The following FBXW4 variants were observed in gnomAD, a reference collection of about 807,000 sequenced individuals.
FBXW4 encodes the protein F-box and WD repeat domain containing 4, also known as F-box/WD repeat-containing protein 4.
FBXW4 carries 40 observed loss-of-function variants against 61.8 expected under a neutral mutation model. The ratio of observed to expected loss-of-function variants is 0.65; its 90% confidence interval spans 0.50 to 0.84. FBXW4 has a LOEUF of 0.84. Ranked by LOEUF, FBXW4 falls within the 40% of genes least tolerant of loss-of-function variation. FBXW4 has a pLI of 0.00. For synonymous variants in FBXW4, 311 were observed against 313.8 expected (o/e 0.99, Z 0.10); for missense variants, 672 against 753.8 (o/e 0.89, Z 1.27).
Position 101,611,365 on chromosome 10 carries a change from G to A in FBXW4, c.1630C>T (p.Leu544=). ...STPLSSPVYC[L]RLTTKHLYAA... ...TAGAGATGCTTGGTGGTGAGACGCAGGCAGTACACAGGGCTGCTGAGGGGA... is the reference window on the plus strand; with the variant it reads ...TAGAGATGCTTGGTGGTGAGACGCAAGCAGTACACAGGGCTGCTGAGGGGA... The change falls in exon 9 of 9, where the codon CTG becomes TTG. Residue 544 remains leucine, a synonymous_variant. Coordinates refer to ENST00000331272, the MANE Select transcript of FBXW4 (RefSeq NM_022039.4). This position sits in a 1 kb window ranked among gnomAD's most constrained non-coding sequence, Gnocchi z 4.9. 2 of 1,614,154 alleles carry A rather than the reference G, an allele frequency of 1.2e-6. No homozygotes were observed. Among genetic ancestry groups the A allele is most frequent in the Non-Finnish European group, 1.7e-6 (2 of 1,180,010 alleles).
intron 5 of FBXW4, among the ~76,000 whole-genome samples, chr10:101,639,629 G>A (rs533457286): frequency 5.3e-5 from 8 of 152,194 alleles, no homozygotes; most frequent in South Asian, 2.1e-4. Flanking sequence ...CAAGAGATGC[G>A]CAGCTGACCC....
intron 5 of FBXW4, among the ~76,000 whole-genome samples, chr10:101,645,791 A>C (rs1331007222): frequency 2.0e-5 from 3 of 152,242 alleles, no homozygotes; most frequent in African/African-American, 7.2e-5. Flanking sequence ...TTCTAATTCC[A>C]AATGAGAGAG....
chr10:101,684,721 TA>T (rs1589782662), intron 1 of FBXW4, among the ~76,000 whole-genome samples: 2 of 152,378 alleles, frequency 1.3e-5, no homozygotes, highest in East Asian at 3.9e-4. Context: ...AAGAACCTTC[TA>T]ACTTTTCATT....
At chr10:101,616,674 G>A (rs2134803017) in intron 6 of FBXW4, among the ~76,000 whole-genome samples, 1 of 152,354 alleles carries the variant, frequency 6.6e-6, no homozygotes, top group African/African-American at 2.4e-5. Context: ...CAACCAGGCT[G>A]TTTTGGCGGC....
At chr10:101,648,113 C>T (rs2064116085) in intron 5 of FBXW4, among the ~76,000 whole-genome samples, 1 of 152,188 alleles carries the variant, frequency 6.6e-6, no homozygotes, top group African/African-American at 2.4e-5. Flanking sequence ...GTCTACCAAC[C>T]AGAAGAAGAT....
At position 101,631,829 on chromosome 10, in the gene FBXW4, G is replaced by A. The variant is rs181133299; in HGVS notation, c.1236-7019C>T. On this transcript the variant is annotated intron_variant, in intron 5 of 8. Transcript: ENST00000331272. ...TTTTTAGTAGAGATGGGGTTTCGCC[G>A]TGTTAGCCAGGATGGTCTTGATCTC... 1.1e-3 allele frequency among the ~76,000 whole-genome samples: 168 copies of A among 152,126 alleles called. 1 individual carries two copies. The highest frequency in any genetic ancestry group is 2.5e-3 in the African/African-American group (103 of 41,514).
At chr10:101,635,647 C>T (rs2063994905) in intron 5 of FBXW4, among the ~76,000 whole-genome samples, 1 of 151,978 alleles carries the variant, frequency 6.6e-6, no homozygotes, top group Non-Finnish European at 1.5e-5. Flanking sequence ...CAAGCCTGGG[C>T]AACAAAGTAA....
intron 1 of FBXW4, 130 bp from the exon 2 acceptor site, chr10:101,676,566 G>A (rs1564924079): frequency 1.5e-6 from 1 of 647,976 alleles, no homozygotes; most frequent in East Asian, 2.8e-5. Flanking sequence ...GACCAGGAAG[G>A]AGTAACTGTT....
At chr10:101,660,816 AGCGT>A (rs1198961013) in intron 5 of FBXW4, among the ~76,000 whole-genome samples, 1 of 152,226 alleles carries the variant, frequency 6.6e-6, no homozygotes, top group African/African-American at 2.4e-5. Flanking sequence ...TGATCCGTCC[AGCGT>A]GCTCCCAAGG....
chr10:101,623,541 C>G (rs1205003229), intron 6 of FBXW4, among the ~76,000 whole-genome samples: 1 of 152,094 alleles, frequency 6.6e-6, no homozygotes, highest in Non-Finnish European at 1.5e-5. Flanking sequence ...GGTAAAAAAA[C>G]TAAGCATACA....
At chr10:101,651,259 AAG>A (rs1321368025) in intron 5 of FBXW4, among the ~76,000 whole-genome samples, 2 of 152,070 alleles carry the variant, frequency 1.3e-5, no homozygotes, top group African/African-American at 4.8e-5. Context: ...GTGCCCCAGA[AAG>A]AGGGGACTAA....
At chr10:101,660,327 T>TTGGGGG (rs2064230128) in intron 5 of FBXW4, 1 of 13,990 alleles carries the variant, frequency 7.1e-5, no homozygotes, top group African/African-American at 3.3e-4. Context: ...GAAGTTGGGT[T>TTGGGGG]GGGAGGGGGG....
rs1312626884 is a variant in FBXW4 at position 101,694,449 on chromosome 10, G to A, written c.657C>T (p.Cys219=). 2.6e-6 allele frequency: 4 copies of A among 1,535,892 alleles called. No homozygotes were observed. The highest frequency in any genetic ancestry group is 1.2e-5 in the South Asian group (1 of 82,790). Residue 219 remains cysteine, a synonymous_variant, in exon 1 of 9, where the codon TGC becomes TGT. Transcript: ENST00000331272. The surrounding 1 kb of genome is among the most constrained non-coding windows in gnomAD (Gnocchi z 6.0). ...GGGCTATCCGGCGCCAGAGCAGATCGCAGCTGGTGAAGCGCCGCAGCCAGC... is the reference window on the plus strand; with the variant it reads ...GGGCTATCCGGCGCCAGAGCAGATCACAGCTGGTGAAGCGCCGCAGCCAGC... ...VCRWLRRFTS[C]DLLWRRIARA...
chr10:101,673,664 G>A lies in FBXW4; in HGVS notation c.831C>T (p.Pro277=). 5.6e-6 allele frequency: 9 copies of A among 1,612,912 alleles called. No homozygotes were observed. Among genetic ancestry groups the A allele is most frequent in the Non-Finnish European group, 7.6e-6 (9 of 1,178,990 alleles). The change falls in exon 3 of 9, where the codon CCC becomes CCT. Residue 277 remains proline (P), a synonymous_variant. Coordinates refer to ENST00000331272, the MANE Select transcript of FBXW4 (RefSeq NM_022039.4). ...GAGAATCATCCTCTAGCTGCATCCA[G>A]GGCATCTGACTGAAATGATGGAAAA... ...ILLKWRCSQM[P]WMQLEDDSLY...
In FBXW4 at chr10:101,612,320, C is replaced by G. The variant is rs1445735910; in HGVS notation, c.1442+17G>C. The G allele has an allele frequency of 2.6e-6, 4 of 1,533,712 alleles. No homozygotes were observed. Among genetic ancestry groups the G allele is most frequent in the Non-Finnish European group, 3.5e-6 (4 of 1,135,130 alleles). On this transcript the variant is annotated intron_variant, in intron 7 of 8. Coordinates refer to ENST00000331272, the MANE Select transcript of FBXW4 (RefSeq NM_022039.4). ...GCAGGGCCCCCACCACCTGTCCTCC[C>G]TGCCCAGCACACTCACCGGACGCTG...
rs1417150391 is a variant in FBXW4, at chr10:101,672,976, ACCT to A, written c.1076_1078del (p.Glu359del). 6 of 1,613,430 alleles carry A rather than the reference ACCT, an allele frequency of 3.7e-6. No homozygotes were observed. Among genetic ancestry groups the A allele is most frequent in the Non-Finnish European group, 5.1e-6 (6 of 1,179,930 alleles). ...GCCCCCTTTGCAATCCACACAGTTC[ACCT>A]CCTGTTCATGAGCCGAGTACTTGAC... On this transcript the variant is annotated inframe_deletion, in exon 4 of 9. Coordinates refer to ENST00000331272, the MANE Select transcript of FBXW4 (RefSeq NM_022039.4).
At chr10:101,612,530 C>T (rs940234509) in intron 6 of FBXW4, 53 bp from the exon 7 acceptor site, 35 of 1,443,982 alleles carry the variant, frequency 2.4e-5, no homozygotes, top group Non-Finnish European at 3.1e-5. Context: ...CATACACATT[C>T]GTTCCACCTT....
intron 1 of FBXW4, among the ~76,000 whole-genome samples, chr10:101,685,979 T>C (rs1333171984): frequency 6.6e-6 from 1 of 152,190 alleles, no homozygotes; most frequent in East Asian, 1.9e-4. Flanking sequence ...AAATTCTTAT[T>C]CTAGAGAGGC....
At chr10:101,645,779 A>G (rs896201817) in intron 5 of FBXW4, among the ~76,000 whole-genome samples, 1 of 152,142 alleles carries the variant, frequency 6.6e-6, no homozygotes, top group Non-Finnish European at 1.5e-5. Context: ...ATAATCAACA[A>G]GTTCTAATTC....
Sources: allele counts gnomAD v4.1 joint callset (sites outside exome capture counted in the v4.1 genomes callset), GRCh38; gene constraint gnomAD v4.1.1; non-coding constraint Gnocchi (gnomAD v3.1); transcripts MANE v1.5; gene names NCBI Gene and HGNC (gene_info 2026-07-23, HGNC 2026-07-21).